The following PUDP variants were observed in gnomAD, a reference collection of about 807,000 sequenced individuals.
PUDP encodes the protein pseudouridine 5'-phosphatase, also known as pseudouridine-5'-phosphatase.
Under a neutral mutation model 9.4 loss-of-function variants are expected in PUDP, and 8 were observed. The ratio of observed to expected loss-of-function variants is 0.85; its 90% CI spans 0.50 to 1.53. The LOEUF is 1.53. Ranked by LOEUF, PUDP falls within the 40% of genes most tolerant of loss-of-function variation. The pLI, the probability that PUDP is intolerant of heterozygous loss-of-function variation, is 0.00. For synonymous variants in PUDP, 99 were observed against 80.7 expected, an observed-to-expected ratio of 1.23 and a Z score of -1.22; for missense variants, 188 against 189.7, an observed-to-expected ratio of 0.99 and a Z score of 0.05.
At chrX:7,142,157 C>T (rs1471612976) in intron 1 of PUDP, among the ~76,000 whole-genome samples, 1 of 111,748 alleles carries the variant, frequency 8.9e-6, no homozygotes, top group African/African-American at 3.3e-5. Flanking sequence ...ATATGCATTT[C>T]CTAAGGTTAT....
downstream of PUDP, among the ~76,000 whole-genome samples, chrX:7,044,856 T>C (rs944864809): frequency 2.7e-5 from 3 of 112,919 alleles, no homozygotes; most frequent in Admixed American, 9.3e-5. Context: ...ATCTCGTCTG[T>C]GCCTTTCTTT....
intron 3 of PUDP, among the ~76,000 whole-genome samples, chrX:6,881,828 G>C (rs1269038428): frequency 9.0e-6 from 1 of 110,847 alleles, no homozygotes; most frequent in African/African-American, 3.3e-5. Flanking sequence ...CCTTGTCAGG[G>C]CATTTTCAAA....
In PUDP at chrX:7,090,131, C is replaced by G. The variant is rs780731641; in HGVS notation, c.281-12682G>C. ...CATTAACCACTTAACTAAATATTCT[C>G]TACAAGTGCTCAAATTATTAGAGCG... is the stretch of plus-strand genomic sequence containing the variant. On this transcript the variant is annotated intron_variant, in intron 2 of 3. Transcript: ENST00000381077. 9.9e-5 allele frequency among the ~76,000 whole-genome samples: 11 copies of G among 111,403 alleles called. No homozygotes were observed. The East Asian group carries it at 3.1e-3, about 31-fold the overall frequency.
At chrX:6,731,232 A>C (rs1336433630) in intron 3 of PUDP, among the ~76,000 whole-genome samples, 2 of 111,341 alleles carry the variant, frequency 1.8e-5, no homozygotes, top group Non-Finnish European at 3.8e-5. Flanking sequence ...CACCATACCC[A>C]GCTAATTTCT....
intron 1 of PUDP, among the ~76,000 whole-genome samples, chrX:7,016,870 C>A (rs1289654163): frequency 9.0e-6 from 1 of 111,091 alleles, no homozygotes; most frequent in African/African-American, 3.3e-5. Context: ...ACTCCAGTTC[C>A]ACATGGGTCC....
At chrX:6,943,541 A>C (rs1263288043) in intron 3 of PUDP, among the ~76,000 whole-genome samples, 3 of 99,914 alleles carry the variant, frequency 3.0e-5, no homozygotes, top group Non-Finnish European at 6.3e-5. Context: ...TTGCTCCCAC[A>C]CTTGATCCAG....
At chrX:6,962,235 TA>T (rs35990736) in intron 3 of PUDP, among the ~76,000 whole-genome samples, 22,735 of 108,916 alleles carry the variant, frequency 0.21, 1,934 homozygotes, top group Admixed American at 0.35. Flanking sequence ...CCTCTGAGGT[TA>T]AAAAAAAAGC....
rs749582262 is a variant in PUDP, at chrX:6,876,639, A to ATATG, written c.*247+100493_*247+100494insCATA. Among the ~76,000 whole-genome samples the ATATG allele has an allele frequency of 6.7e-4, 62 of 92,813 alleles. No homozygotes were observed. The East Asian group carries it at 6.9e-3, about 10-fold the overall frequency. The allele number at this position is 92,813 out of a possible 115,157, so 80.6% of individuals were successfully genotyped here. A position where few individuals can be genotyped will look rare whatever the true frequency, so the allele number is the denominator to read the frequency against. On this transcript the variant is annotated intron_variant and NMD_transcript_variant, in intron 3 of 3. Transcript: ENST00000655425. ...AACAAGACCCTGCACCTAAAATGTT[A>ATATG]TGTGTGTGTGTGTGTGTGTGTGTGT... is the stretch of plus-strand genomic sequence containing the variant.
At chrX:6,948,840 G>A (rs750545316) in intron 3 of PUDP, among the ~76,000 whole-genome samples, 11 of 111,728 alleles carry the variant, frequency 9.8e-5, no homozygotes, top group East Asian at 8.4e-4. Context: ...TCAATCTAGC[G>A]TCTGTGGAGC....
At chrX:6,749,129 G>A (rs778177329) in intron 3 of PUDP, among the ~76,000 whole-genome samples, 1 of 112,128 alleles carries the variant, frequency 8.9e-6, no homozygotes, top group South Asian at 3.8e-4. Context: ...TCCTGATAAT[G>A]TCTATTTCTC....
chrX:6,825,386 G>C (rs968106692), intron 3 of PUDP, among the ~76,000 whole-genome samples: 1 of 111,232 alleles, frequency 9.0e-6, no homozygotes, highest in Non-Finnish European at 1.9e-5. Context: ...CTGCCCACCC[G>C]CGTGGTCTGA....
chrX:6,884,149 A>T lies in PUDP; in HGVS notation c.*247+92984T>A, dbSNP rs996595292. ...GCCACCGTGCCGGGCCTTAATGTTC[A>T]TTCTTATTTCCATTTCACACTTTCC... On this transcript the variant is annotated intron_variant and NMD_transcript_variant, in intron 3 of 3. Coordinates refer to the PUDP transcript ENST00000655425. Among the ~76,000 whole-genome samples, 3 of 112,090 alleles carry T rather than the reference A, an allele frequency of 2.7e-5. No homozygotes were observed. The Admixed American group carries it at 2.8e-4, about 11-fold the overall frequency.
At position 7,050,224 on chromosome X, in the gene PUDP, T is replaced by A; in HGVS notation, c.*72A>T. Reference sequence around the variant, plus strand: ...CAGGTTGGGATTGAAGAGTTGCTGATTTCCTTTCCCTTTCCCCCAGCAGTG... The same window carrying A: ...CAGGTTGGGATTGAAGAGTTGCTGAATTCCTTTCCCTTTCCCCCAGCAGTG... On this transcript the variant is annotated 3_prime_UTR_variant, in exon 4 of 4. Coordinates refer to ENST00000381077, the MANE Select transcript of PUDP (RefSeq NM_012080.5). 1 of 1,047,849 alleles carries A rather than the reference T, an allele frequency of 9.5e-7. No homozygotes were observed. Among genetic ancestry groups the A allele is most frequent in the East Asian group, 3.1e-5 (1 of 31,906 alleles). The allele number at this position is 1,047,849 out of a possible 1,213,427, so 86.4% of individuals were successfully genotyped here.
intron 1 of PUDP, among the ~76,000 whole-genome samples, chrX:6,992,627 G>A (rs62590456): frequency 0.063 from 6,925 of 110,462 alleles, 217 homozygotes; most frequent in South Asian, 0.093. Flanking sequence ...GCAGTGGGGT[G>A]TAGGAAGAAC....
chrX:6,987,673 C>T (rs777130018), intron 1 of PUDP, among the ~76,000 whole-genome samples: 2 of 112,242 alleles, frequency 1.8e-5, no homozygotes, highest in Non-Finnish European at 3.8e-5. Flanking sequence ...AACACAGTCA[C>T]GCCCATTCAT....
chrX:6,716,694 A>G (rs5948722), intron 1 of PUDP, among the ~76,000 whole-genome samples: 52,294 of 108,039 alleles, frequency 0.48, 10,180 homozygotes, highest in African/African-American at 0.69. Flanking sequence ...GTGCAGTGGC[A>G]CAATCACAGC....
chrX:6,856,303 G>C (rs916743012), intron 3 of PUDP, among the ~76,000 whole-genome samples: 2 of 111,546 alleles, frequency 1.8e-5, no homozygotes, highest in Admixed American at 9.5e-5. Context: ...GAAGTAATTA[G>C]ACTCACCTAT....
chrX:7,107,353 A>T (rs1931913337), intron 1 of PUDP, among the ~76,000 whole-genome samples: 1 of 112,308 alleles, frequency 8.9e-6, no homozygotes, highest in South Asian at 3.7e-4. Context: ...TATCTGGGAG[A>T]CCCAGGACAC....
intron 3 of PUDP, among the ~76,000 whole-genome samples, chrX:6,813,997 T>C (rs1926186667): frequency 1.8e-5 from 2 of 110,834 alleles, no homozygotes; most frequent in South Asian, 3.9e-4. Context: ...TTGGCTGCCA[T>C]TGCGGGAGAA....
Sources: gnomAD v4.1 joint callset for allele counts (sites outside exome capture counted in the v4.1 genomes callset) on GRCh38, gnomAD v4.1.1 for gene constraint, MANE v1.5 for transcripts, NCBI Gene and HGNC (gene_info 2026-07-23, HGNC 2026-07-21) for gene names.